The following ST6GALNAC3 variants were observed in gnomAD, a reference collection of about 807,000 sequenced individuals.
The protein encoded by ST6GALNAC3 is ST6 N-acetylgalactosaminide alpha-2,6-sialyltransferase 3.
A neutral mutation model predicts 32.7 loss-of-function variants in ST6GALNAC3; 25 were observed. The ratio of observed to expected loss-of-function variants is 0.76; its 90% confidence interval spans 0.56 to 1.07. ST6GALNAC3 has a LOEUF of 1.07. Among genes scored for constraint, ST6GALNAC3 ranks in the 50% least tolerant of loss-of-function variants. ST6GALNAC3 has a pLI of 0.00. For synonymous variants in ST6GALNAC3, 129 were observed against 133.1 expected, an observed-to-expected ratio of 0.97 and a Z score of 0.21; for missense variants, 355 against 382.4, an observed-to-expected ratio of 0.93 and a Z score of 0.60.
chr1:76,452,442 G>A (rs531953716), intron 3 of ST6GALNAC3, among the ~76,000 whole-genome samples: 1 of 152,224 alleles, frequency 6.6e-6, no homozygotes, highest in East Asian at 1.9e-4. Flanking sequence ...ATTGCATTAA[G>A]TTATGTCCCT....
Position 76,329,451 on chromosome 1 carries a change from G to T in ST6GALNAC3, c.213+15452G>T, listed in dbSNP as rs1326475759. Among the ~76,000 whole-genome samples the T allele has an allele frequency of 4.6e-5, 7 of 152,114 alleles. No individual in the cohort carries two copies. In the East Asian group the frequency reaches 1.4e-3, roughly 29 times the overall value. ...TGTGGTATAACTGCTAGAAAAAGAT[G>T]TTTGAAAAATAATAATATATTCTAT... On this transcript the variant is annotated intron_variant, in intron 2 of 4. Coordinates refer to ENST00000328299, the MANE Select transcript of ST6GALNAC3 (RefSeq NM_152996.4).
At chr1:76,284,832 T>A (rs573858049) in intron 1 of ST6GALNAC3, among the ~76,000 whole-genome samples, 1 of 152,248 alleles carries the variant, frequency 6.6e-6, no homozygotes, top group South Asian at 2.1e-4. Flanking sequence ...TCACACCATA[T>A]GCCATTGTCC....
intron 1 of ST6GALNAC3, among the ~76,000 whole-genome samples, chr1:76,228,091 A>C (rs78619109): frequency 0.025 from 3,855 of 152,334 alleles, 76 homozygotes; most frequent in Non-Finnish European, 0.038. Context: ...GAGTCAAGAC[A>C]GAAAGATGGC....
chr1:76,627,124 T>G (rs1468394994), intron 3 of ST6GALNAC3, among the ~76,000 whole-genome samples: 1 of 151,890 alleles, frequency 6.6e-6, no homozygotes, highest in African/African-American at 2.4e-5. Context: ...CAGGACTAAT[T>G]TGTGTCTTAT....
rs951800101 is a variant in ST6GALNAC3, at chr1:76,509,790, A to T, written c.623+97373A>T. Among the ~76,000 whole-genome samples the T allele has an allele frequency of 1.8e-4, 27 of 152,162 alleles. No homozygotes were observed. The highest frequency in any genetic ancestry group is 6.5e-4 in the African/African-American group (27 of 41,524). On this transcript the variant is annotated intron_variant, in intron 3 of 4. Transcript: ENST00000328299. The surrounding 1 kb of genome is among the most constrained non-coding windows in gnomAD (Gnocchi z 5.5). The stretch of plus-strand genomic sequence containing the variant: ...CCAATTTCTGCTTCCATTCTCACAT[A>T]TCTTTTCCTCACATTGCTGTTTCTC...
In ST6GALNAC3 at chr1:76,538,916, C is replaced by T. The variant is rs75872474; in HGVS notation, c.624-88536C>T. On this transcript the variant is annotated intron_variant, in intron 3 of 4. Transcript: ENST00000328299. ...TTCCCTCCTCATGGGTAGGAAGAAT[C>T]GGTATCACAAAAAGGCCATACTGCC... is the stretch of plus-strand genomic sequence containing the variant. Among the ~76,000 whole-genome samples the T allele has an allele frequency of 5.3e-3, 813 of 152,140 alleles. 5 individuals are homozygous for T. The highest frequency in any genetic ancestry group is 0.017 in the African/African-American group (712 of 41,498).
intron 1 of ST6GALNAC3, among the ~76,000 whole-genome samples, chr1:76,278,347 G>A (rs1004469332): frequency 4.0e-5 from 6 of 150,932 alleles, no homozygotes; most frequent in Non-Finnish European, 5.9e-5. Context: ...TCAGCCTCCC[G>A]AGTAGCTGGG....
chr1:76,403,086 G>C (rs980280191), intron 2 of ST6GALNAC3, among the ~76,000 whole-genome samples: 7 of 151,996 alleles, frequency 4.6e-5, no homozygotes, highest in African/African-American at 1.7e-4. Flanking sequence ...GGCAATGACT[G>C]TTCCATTTAC....
intron 1 of ST6GALNAC3, among the ~76,000 whole-genome samples, chr1:76,113,991 ATTTTTTTTT>A (rs754290749): frequency 8.0e-6 from 1 of 125,172 alleles, no homozygotes; most frequent in African/African-American, 3.2e-5. Flanking sequence ...CGCCCGGCTA[ATTTTTTTTT>A]TTTTTTTTTT....
intron 1 of ST6GALNAC3, among the ~76,000 whole-genome samples, chr1:76,218,424 C>G (rs1655591771): frequency 6.6e-6 from 1 of 152,204 alleles, no homozygotes; most frequent in Admixed American, 6.5e-5. Flanking sequence ...ATCAGCAAAT[C>G]TTTATTGAGT....
At chr1:76,315,092 G>A (rs528194889) in intron 2 of ST6GALNAC3, among the ~76,000 whole-genome samples, 112 of 151,850 alleles carry the variant, frequency 7.4e-4, no homozygotes, top group African/African-American at 2.7e-3. Flanking sequence ...TTGAAAAAAA[G>A]CACCATTAAT....
chr1:76,317,224 C>T (rs1379769599), intron 2 of ST6GALNAC3, among the ~76,000 whole-genome samples: 1 of 152,156 alleles, frequency 6.6e-6, no homozygotes, highest in East Asian at 1.9e-4. Flanking sequence ...GACAGTCCCA[C>T]CCCTACCACC....
At chr1:76,566,232 G>C (rs1665547452) in intron 3 of ST6GALNAC3, among the ~76,000 whole-genome samples, 2 of 152,184 alleles carry the variant, frequency 1.3e-5, no homozygotes, top group South Asian at 4.2e-4. Flanking sequence ...GCTTTCAAAA[G>C]GAACTGAACA....
Position 76,296,754 on chromosome 1 carries a change from C to T in ST6GALNAC3, c.19-17051C>T, listed in dbSNP as rs558186394. ...TTCCAGCCCTTGTAGAATTTCAACTCTGATGAGAAAGAAAGGCATTGTGTT... is the reference window on the plus strand; with the variant it reads ...TTCCAGCCCTTGTAGAATTTCAACTTTGATGAGAAAGAAAGGCATTGTGTT... On this transcript the variant is annotated intron_variant, in intron 1 of 4. Coordinates refer to ENST00000328299, the MANE Select transcript of ST6GALNAC3 (RefSeq NM_152996.4). 9.3e-4 allele frequency among the ~76,000 whole-genome samples: 142 copies of T among 152,136 alleles called. 1 individual carries two copies. Among genetic ancestry groups the T allele is most frequent in the Non-Finnish European group, 1.9e-4 (13 of 67,926 alleles).
intron 1 of ST6GALNAC3, among the ~76,000 whole-genome samples, chr1:76,236,238 G>A (rs67584550): frequency 0.065 from 9,938 of 152,132 alleles, 304 homozygotes; most frequent in East Asian, 0.076. Context: ...CTGAGCTACC[G>A]CACCCGACCA....
intron 3 of ST6GALNAC3, among the ~76,000 whole-genome samples, chr1:76,587,158 A>C (rs548952488): frequency 2.2e-4 from 34 of 152,342 alleles, no homozygotes; most frequent in African/African-American, 8.2e-4. Flanking sequence ...TGGGTAGTAC[A>C]GAATAAGCTG....
intron 3 of ST6GALNAC3, among the ~76,000 whole-genome samples, chr1:76,419,321 T>C (rs1044920127): frequency 6.6e-6 from 1 of 152,096 alleles, no homozygotes; most frequent in African/African-American, 2.4e-5. Flanking sequence ...CCAGTAGACA[T>C]GTATGCTCAA....
At chr1:76,116,713 A>C (rs562024473) in intron 1 of ST6GALNAC3, among the ~76,000 whole-genome samples, 32 of 152,230 alleles carry the variant, frequency 2.1e-4, no homozygotes, top group Non-Finnish European at 8.8e-5. Context: ...GGAGGATTAC[A>C]TGAGACCAGG....
At chr1:76,551,545 T>A (rs1005580814) in intron 3 of ST6GALNAC3, among the ~76,000 whole-genome samples, 18 of 152,196 alleles carry the variant, frequency 1.2e-4, no homozygotes, top group African/African-American at 4.3e-4. Flanking sequence ...TCTTTTTTAT[T>A]GATACATAAT....
Sources: gnomAD v4.1 joint callset for allele counts (sites outside exome capture counted in the v4.1 genomes callset) on GRCh38, gnomAD v4.1.1 for gene constraint, Gnocchi (gnomAD v3.1) non-coding constraint, MANE v1.5 for transcripts, NCBI Gene and HGNC (gene_info 2026-07-23, HGNC 2026-07-21) for gene names.